The following EVI5L variants were observed in gnomAD, a reference collection of about 807,000 sequenced individuals.
EVI5L encodes EVI5-like protein.
In EVI5L, 30 loss-of-function variants were observed where a neutral mutation model predicts 106.1. The observed-to-expected ratio is 0.28, with a 90% confidence interval of 0.21 to 0.38. EVI5L has a LOEUF of 0.38. EVI5L is among the 10% of genes least tolerant of loss of function. EVI5L has a pLI of 1.00. For missense variants in EVI5L, 809 were observed against 1,098.0 expected, an observed-to-expected ratio of 0.74 and a Z score of 3.72; for synonymous variants, 489 against 483.3, an observed-to-expected ratio of 1.01 and a Z score of -0.15.
intron 10 of EVI5L, chr19:7,853,559 C>G: frequency 1.6e-6 from 1 of 612,844 alleles, no homozygotes; most frequent in South Asian, 2.0e-5. Context: ...GTCAAGGTCC[C>G]TGCCCCGCTG....
At chr19:7,843,199 G>GTA in intron 1 of EVI5L, among the ~76,000 whole-genome samples, 1 of 149,776 alleles carries the variant, frequency 6.7e-6, no homozygotes. Flanking sequence ...GTGTGTATAG[G>GTA]GGTGTGTGTG....
In EVI5L at chr19:7,848,884, A is replaced by T; in HGVS notation, c.328-37A>T. The T allele has an allele frequency of 2.5e-6, 4 of 1,588,542 alleles. No individual in the cohort carries two copies. The highest frequency in any genetic ancestry group is 3.4e-6 in the Non-Finnish European group (4 of 1,163,654). ...GTGGCCACGGGGAGGCTGCGCTGGG[A>T]CCGAGTCCAGCCCCCGCTTCCCGCT... On this transcript the variant is annotated intron_variant, in intron 3 of 19. Coordinates refer to ENST00000538904, the MANE Select transcript of EVI5L (RefSeq NM_001159944.3). The surrounding 1 kb of genome is among the most constrained non-coding windows in gnomAD (Gnocchi z 4.8).
intron 8 of EVI5L, chr19:7,852,785 CTATT>C: frequency 2.8e-6 from 1 of 352,790 alleles, no homozygotes; most frequent in Non-Finnish European, 5.3e-6. Context: ...TGGGCTCAAG[CTATT>C]TATTTCTCCC....
Position 7,862,542 on chromosome 19 carries a change from C to A in EVI5L, c.1947+8C>A, listed in dbSNP as rs2076912690. 2 of 1,448,568 alleles carry A rather than the reference C, an allele frequency of 1.4e-6. No homozygotes were observed. Among genetic ancestry groups the A allele is most frequent in the South Asian group, 1.4e-5 (1 of 69,330 alleles). The allele number at this position is 1,448,568 out of a possible 1,614,324, so 89.7% of individuals were successfully genotyped here. On this transcript the variant is annotated splice_region_variant and intron_variant, in intron 17 of 19. Coordinates refer to ENST00000538904, the MANE Select transcript of EVI5L (RefSeq NM_001159944.3). ...GCCGAGGCCGAGTGCAAGGTGCAGACCCCCGCGGCCCCGCCCTGCCCGTGG... is the reference window on the plus strand; with the variant it reads ...GCCGAGGCCGAGTGCAAGGTGCAGAACCCCGCGGCCCCGCCCTGCCCGTGG...
At chr19:7,832,836 C>T (rs1402481032) in intron 1 of EVI5L, among the ~76,000 whole-genome samples, 1 of 152,090 alleles carries the variant, frequency 6.6e-6, no homozygotes, top group Non-Finnish European at 1.5e-5. Context: ...GAGGGGCTGT[C>T]GGATAGCCAT....
At chr19:7,847,090 G>A (rs1978988015) in intron 2 of EVI5L, among the ~76,000 whole-genome samples, 1 of 152,178 alleles carries the variant, frequency 6.6e-6, no homozygotes, top group African/African-American at 2.4e-5. Flanking sequence ...TCAGGTGTTT[G>A]AGACCAGCCT....
chr19:7,842,989 GTGT>G (rs918693793), intron 1 of EVI5L, among the ~76,000 whole-genome samples: 3 of 151,948 alleles, frequency 2.0e-5, no homozygotes, highest in African/African-American at 4.8e-5. Flanking sequence ...ATGAGCACGT[GTGT>G]TGAGTGTGTG....
At chr19:7,843,086 TGTGA>T (rs1337411355) in intron 1 of EVI5L, among the ~76,000 whole-genome samples, 11 of 149,616 alleles carry the variant, frequency 7.4e-5, no homozygotes, top group South Asian at 2.1e-4. Context: ...TGTATAGGTG[TGTGA>T]GTGTGTGAGA....
chr19:7,843,742 TTGTA>T lies in EVI5L; in HGVS notation c.-47-2750_-47-2747del, dbSNP rs1014345878. Among the ~76,000 whole-genome samples, 41 of 151,678 alleles carry T rather than the reference TTGTA, an allele frequency of 2.7e-4. 1 individual carries two copies. Among genetic ancestry groups the T allele is most frequent in the Admixed American group, 7.2e-4 (11 of 15,200 alleles). The stretch of plus-strand genomic sequence containing the variant: ...TGTTTGCATGTGTATGTGTGAGAGT[TTGTA>T]TGTGAGTGGGGGTGGGTGTGAATGT... On this transcript the variant is annotated intron_variant, in intron 1 of 19. Transcript: ENST00000538904.
chr19:7,842,469 A>C (rs1345405227), intron 1 of EVI5L, among the ~76,000 whole-genome samples: 1 of 148,206 alleles, frequency 6.7e-6, no homozygotes, highest in Non-Finnish European at 1.5e-5. Context: ...GTGTGTATCA[A>C]GTGTGTGCAT....
intron 2 of EVI5L, 65 bp downstream of exon 2, chr19:7,846,744 C>A: frequency 6.4e-7 from 1 of 1,559,300 alleles, no homozygotes; most frequent in Admixed American, 1.9e-5. Flanking sequence ...ACAGGAGTTC[C>A]CAGGTGCCCT....
intron 1 of EVI5L, among the ~76,000 whole-genome samples, chr19:7,839,854 T>C (rs1978520495): frequency 6.6e-6 from 1 of 152,158 alleles, no homozygotes; most frequent in Non-Finnish European, 1.5e-5. Flanking sequence ...GGCCAGGATC[T>C]CGCACCACTG....
chr19:7,833,304 C>T (rs1329305984), intron 1 of EVI5L, among the ~76,000 whole-genome samples: 1 of 152,260 alleles, frequency 6.6e-6, no homozygotes, highest in Admixed American at 6.5e-5. Flanking sequence ...GGTCCCTGCT[C>T]TGCGTCTAAA....
In EVI5L at chr19:7,846,497, C is replaced by T. The variant is rs772234502; in HGVS notation, c.-46C>T. 1 of 1,568,878 alleles carries T rather than the reference C, an allele frequency of 6.4e-7. No homozygotes were observed. The highest frequency in any genetic ancestry group is 8.6e-7 in the Non-Finnish European group (1 of 1,157,304). On this transcript the variant is annotated splice_region_variant and 5_prime_UTR_variant, in exon 2 of 20. Transcript: ENST00000538904. ...ACCACGCATGTCTCTGGCCCCCAGA[C>T]AGAGCTGTGAACCAACCCCGCTCAC...
chr19:7,848,906 C>T lies in EVI5L; in HGVS notation c.328-15C>T, dbSNP rs1168734907. The T allele has an allele frequency of 7.5e-6, 12 of 1,601,268 alleles. No homozygotes were observed. The highest frequency in any genetic ancestry group is 3.3e-5 in the Admixed American group (2 of 59,724). ...GGGACCGAGTCCAGCCCCCGCTTCC[C>T]GCTCCCGTGGCCAGGAGCTGATCCG... On this transcript the variant is annotated splice_polypyrimidine_tract_variant and intron_variant, in intron 3 of 19. Coordinates refer to ENST00000538904, the MANE Select transcript of EVI5L (RefSeq NM_001159944.3). The surrounding 1 kb of genome is among the most constrained non-coding windows in gnomAD (Gnocchi z 4.8).
chr19:7,855,906 A>G, intron 10 of EVI5L, 109 bp from the exon 11 acceptor site: 2 of 1,011,252 alleles, frequency 2.0e-6, no homozygotes, highest in Non-Finnish European at 2.6e-6. Context: ...CCCTGCCCGG[A>G]AAAGTGGCCT....
intron 1 of EVI5L, among the ~76,000 whole-genome samples, chr19:7,841,166 G>T (rs747367570): frequency 2.7e-4 from 41 of 152,268 alleles, no homozygotes; most frequent in Non-Finnish European, 4.6e-4. Flanking sequence ...ACAGAACATG[G>T]AATGGTGGGT....
chr19:7,846,273 G>C (rs1409809074), intron 1 of EVI5L, among the ~76,000 whole-genome samples: 2 of 152,166 alleles, frequency 1.3e-5, no homozygotes, highest in Non-Finnish European at 2.9e-5. Flanking sequence ...TCTCCATCCA[G>C]ACATCCGGCC....
intron 10 of EVI5L, 144 bp downstream of exon 10, chr19:7,853,477 A>C: frequency 1.8e-6 from 2 of 1,109,944 alleles, no homozygotes; most frequent in Non-Finnish European, 2.6e-6. Context: ...GCCTCCGCCC[A>C]CCTGCGCCGT....
Sources: gnomAD v4.1 joint callset for allele counts (sites outside exome capture counted in the v4.1 genomes callset) on GRCh38, gnomAD v4.1.1 for gene constraint, Gnocchi (gnomAD v3.1) non-coding constraint, MANE v1.5 for transcripts, NCBI Gene and HGNC (gene_info 2026-07-23, HGNC 2026-07-21) for gene names.